Variants in TMEM132B observed in about 807,000 individuals in gnomAD.
The protein encoded by TMEM132B is transmembrane protein 132B.
TMEM132B carries 18 observed loss-of-function variants against 90.8 expected under a neutral mutation model. That is an observed-to-expected ratio of 0.20 (90% confidence interval 0.14 to 0.29). TMEM132B has a LOEUF of 0.29. Ranked by LOEUF, TMEM132B falls within the 10% of genes least tolerant of loss-of-function variation. The pLI, the probability that TMEM132B is intolerant of heterozygous loss-of-function variation, is 1.00. For missense variants in TMEM132B, 1,096 were observed against 1,326.8 expected (o/e 0.83, Z 2.70); for synonymous variants, 504 against 523.3 (o/e 0.96, Z 0.50).
Position 125,442,497 on chromosome 12 carries a change from C to T in TMEM132B, c.1106+26820C>T, listed in dbSNP as rs1380767771. 9.2e-5 allele frequency among the ~76,000 whole-genome samples: 14 copies of T among 152,318 alleles called. No homozygotes were observed. The South Asian group carries it at 1.2e-3, about 14-fold the overall frequency. On this transcript the variant is annotated intron_variant, in intron 3 of 8. Transcript: ENST00000682704. ...CAGGCAGGTGACTCAGACCCTGTGA[C>T]TCAGTTTCTCATCTGTGACACAAGG...
chr12:125,262,245 CAAAAAAA>C (rs11307058), intron 1 of TMEM132B, among the ~76,000 whole-genome samples: 2 of 84,310 alleles, frequency 2.4e-5, no homozygotes, highest in African/African-American at 4.1e-5. Flanking sequence ...CCTGTTTCTA[CAAAAAAA>C]AAAAAAAAAA....
intron 3 of TMEM132B, among the ~76,000 whole-genome samples, chr12:125,422,664 A>G (rs1463987782): frequency 6.6e-6 from 1 of 152,212 alleles, no homozygotes; most frequent in Non-Finnish European, 1.5e-5. Context: ...CCCTAAATCC[A>G]AGGACTGGTG....
chr12:125,488,246 G>T (rs2136548380), intron 3 of TMEM132B, among the ~76,000 whole-genome samples: 1 of 152,276 alleles, frequency 6.6e-6, no homozygotes, highest in Non-Finnish European at 1.5e-5. Context: ...ACATTGTACT[G>T]AATGTCTAGC....
At chr12:125,398,932 A>G (rs140304369) in intron 2 of TMEM132B, among the ~76,000 whole-genome samples, 47 of 152,284 alleles carry the variant, frequency 3.1e-4, no homozygotes, top group African/African-American at 1.1e-3. Flanking sequence ...ATCTGCTTCA[A>G]GCTGATTCAG....
At chr12:125,463,188 T>TCTA (rs1329429184) in intron 3 of TMEM132B, among the ~76,000 whole-genome samples, 1 of 152,218 alleles carries the variant, frequency 6.6e-6, no homozygotes, top group Non-Finnish European at 1.5e-5. Flanking sequence ...TTACTCAAAT[T>TCTA]CTACTTGTGA....
chr12:125,432,530 G>T (rs867899155), intron 3 of TMEM132B, among the ~76,000 whole-genome samples: 15,285 of 25,190 alleles, frequency 0.61, 5,451 homozygotes, highest in East Asian at 0.75. Flanking sequence ...TATATATATA[G>T]AGAGAGAGAG....
chr12:125,511,864 A>G lies in TMEM132B; in HGVS notation c.1107-7575A>G, dbSNP rs544587794. Among the ~76,000 whole-genome samples the G allele has an allele frequency of 1.4e-3, 209 of 151,352 alleles. 3 individuals carry two copies. Among genetic ancestry groups the G allele is most frequent in the African/African-American group, 4.9e-3 (202 of 41,226 alleles). On this transcript the variant is annotated intron_variant, in intron 3 of 8. Coordinates refer to ENST00000682704, the MANE Select transcript of TMEM132B (RefSeq NM_001366854.1). ...AAGACTCTATCTCAAAAAAAAAAAA[A>G]AAAAGAAAAGAAAAAGCATCCCAAA...
intron 1 of TMEM132B, among the ~76,000 whole-genome samples, chr12:125,229,738 C>G (rs1333236772): frequency 6.6e-6 from 1 of 152,238 alleles, no homozygotes; most frequent in Non-Finnish European, 1.5e-5. Context: ...CCTGGCTTTG[C>G]TGGCTTCTGT....
At chr12:125,278,611 TTGGGG>T (rs1469988264) in intron 1 of TMEM132B, among the ~76,000 whole-genome samples, 1 of 152,056 alleles carries the variant, frequency 6.6e-6, no homozygotes. Flanking sequence ...GAGCTTCTTT[TTGGGG>T]ATGGGGTGGG....
At chr12:125,424,350 A>G (rs141144761) in intron 3 of TMEM132B, among the ~76,000 whole-genome samples, 93 of 152,326 alleles carry the variant, frequency 6.1e-4, no homozygotes, top group African/African-American at 2.2e-3. Flanking sequence ...GTGTGTGTCC[A>G]GTGCTCACTT....
intron 3 of TMEM132B, among the ~76,000 whole-genome samples, chr12:125,497,905 G>A (rs1315368274): frequency 1.3e-5 from 2 of 152,196 alleles, no homozygotes; most frequent in African/African-American, 2.4e-5. Flanking sequence ...GACAGGTGCA[G>A]TGGTGAACAG....
intron 4 of TMEM132B, among the ~76,000 whole-genome samples, chr12:125,520,500 C>T (rs925208831): frequency 9.2e-5 from 14 of 151,834 alleles, no homozygotes; most frequent in Non-Finnish European, 1.5e-4. Flanking sequence ...CTGCCATCCC[C>T]GAATCTCGAG....
intron 4 of TMEM132B, among the ~76,000 whole-genome samples, chr12:125,547,023 C>T (rs111550257): frequency 0.1 from 15,979 of 152,192 alleles, 1,138 homozygotes; most frequent in Non-Finnish European, 0.16. Flanking sequence ...CATCAGATCT[C>T]GTGAGAACTA....
intron 1 of TMEM132B, among the ~76,000 whole-genome samples, chr12:125,198,323 G>T (rs1245749744): frequency 2.6e-5 from 4 of 152,126 alleles, no homozygotes; most frequent in African/African-American, 9.7e-5. Context: ...GGTATGGCTG[G>T]GTCCAGGGGC....
intron 1 of TMEM132B, among the ~76,000 whole-genome samples, chr12:125,191,163 G>T (rs1440886396): frequency 3.5e-5 from 5 of 141,712 alleles, no homozygotes; most frequent in African/African-American, 1.3e-4. Flanking sequence ...TGACAGGGAA[G>T]GGGTGGTGGT....
chr12:125,608,609 A>G (rs1193480862), intron 5 of TMEM132B, among the ~76,000 whole-genome samples: 4 of 152,196 alleles, frequency 2.6e-5, no homozygotes, highest in Admixed American at 2.0e-4. Context: ...TTTTTATTCA[A>G]TTGTACTTTT....
At chr12:125,569,191 C>T (rs1248775112) in intron 4 of TMEM132B, among the ~76,000 whole-genome samples, 2 of 152,140 alleles carry the variant, frequency 1.3e-5, no homozygotes, top group Non-Finnish European at 1.5e-5. Flanking sequence ...CCCAGCTCTA[C>T]TGGGGGTTCC....
intron 1 of TMEM132B, among the ~76,000 whole-genome samples, chr12:125,286,253 C>G (rs1875353011): frequency 6.6e-6 from 1 of 152,252 alleles, no homozygotes; most frequent in African/African-American, 2.4e-5. Flanking sequence ...GGCATTCTGC[C>G]TCCGGAACTC....
At chr12:125,562,000 A>G (rs1884544500) in intron 4 of TMEM132B, among the ~76,000 whole-genome samples, 1 of 152,188 alleles carries the variant, frequency 6.6e-6, no homozygotes. Context: ...TCTTCTTCCA[A>G]TATAAGAAGA....
Sources: gnomAD v4.1 joint callset for allele counts (sites outside exome capture counted in the v4.1 genomes callset) on GRCh38, gnomAD v4.1.1 for gene constraint, MANE v1.5 for transcripts, NCBI Gene and HGNC (gene_info 2026-07-23, HGNC 2026-07-21) for gene names.